Variants in OIT3 observed in about 807,000 individuals in gnomAD.
OIT3 encodes the protein oncoprotein induced transcript 3.
OIT3 carries 41 observed loss-of-function variants against 52.2 expected under a neutral mutation model. That is an observed-to-expected ratio of 0.79 (90% confidence interval 0.61 to 1.02). OIT3 has a LOEUF of 1.02. Among genes scored for constraint, OIT3 ranks in the 50% least tolerant of loss-of-function variants. The pLI is 0.00. For missense variants in OIT3, 634 were observed against 715.5 expected, an observed-to-expected ratio of 0.89 and a Z score of 1.30; for synonymous variants, 244 against 276.9, an observed-to-expected ratio of 0.88 and a Z score of 1.18.
intron 4 of OIT3, among the ~76,000 whole-genome samples, chr10:72,908,617 C>T (rs1846001158): frequency 6.6e-6 from 1 of 151,982 alleles, no homozygotes; most frequent in Non-Finnish European, 1.5e-5. Flanking sequence ...CCAGAGTCCT[C>T]CTTAAATCTT....
Position 72,924,365 on chromosome 10 carries a change from C to A in OIT3, c.1088C>A (p.Thr363Asn). 2 of 1,614,132 alleles carry A rather than the reference C, an allele frequency of 1.2e-6. No individual in the cohort carries two copies. Among genetic ancestry groups the A allele is most frequent in the South Asian group, 2.2e-5 (2 of 91,070 alleles). ...PVTCEFPRLY[T>N]ISEGYVPNLR... ...ACCTGCGAGTTTCCACGCCTGTACA[C>A]CATTTCTGAAGGATACGTTCCCAAC... Residue 363 changes from threonine to asparagine, a missense_variant, in exon 7 of 9, where the codon ACC becomes AAC. Physicochemically the swap from Thr to Asn is moderately conservative, Grantham distance 65. Coordinates refer to ENST00000334011, the MANE Select transcript of OIT3 (RefSeq NM_152635.3).
intron 3 of OIT3, among the ~76,000 whole-genome samples, chr10:72,905,708 C>T (rs7916475): frequency 0.038 from 5,719 of 152,212 alleles, 350 homozygotes; most frequent in African/African-American, 0.13. Flanking sequence ...GCTTCCATTG[C>T]TTGTGAAGGC....
chr10:72,914,616 A>G (rs1310477639), intron 6 of OIT3, among the ~76,000 whole-genome samples: 3 of 152,204 alleles, frequency 2.0e-5, no homozygotes, highest in African/African-American at 7.2e-5. Flanking sequence ...GAGCAGAGGA[A>G]TCTGGTGATA....
chr10:72,918,491 TG>T, intron 6 of OIT3: 2 of 1,363,180 alleles, frequency 1.5e-6, no homozygotes, highest in Non-Finnish European at 2.1e-6. Flanking sequence ...AAGATAGTTC[TG>T]GGGCCTCAGG....
At chr10:72,897,977 A>G (rs1290528336) in intron 1 of OIT3, among the ~76,000 whole-genome samples, 1 of 152,084 alleles carries the variant, frequency 6.6e-6, no homozygotes, top group Non-Finnish European at 1.5e-5. Context: ...AAATTTGTCA[A>G]TTACTTTCAT....
intron 7 of OIT3, among the ~76,000 whole-genome samples, chr10:72,927,520 A>G (rs1447325459): frequency 6.6e-6 from 1 of 152,216 alleles, no homozygotes; most frequent in Admixed American, 6.5e-5. Flanking sequence ...AAGAGAAAAA[A>G]TATATATGCT....
chr10:72,921,895 C>T (rs1050060885), intron 6 of OIT3, among the ~76,000 whole-genome samples: 34 of 152,070 alleles, frequency 2.2e-4, no homozygotes, highest in Non-Finnish European at 3.7e-4. Flanking sequence ...TGGTCTCGAA[C>T]TCCTGACCTC....
intron 5 of OIT3, 69 bp from the exon 6 acceptor site, chr10:72,913,239 T>C (rs1472278338): frequency 2.3e-6 from 3 of 1,322,330 alleles, no homozygotes; most frequent in African/African-American, 1.5e-5. Context: ...AGGGTGAAAT[T>C]ATTTCTCCTA....
At chr10:72,909,233 A>G (rs1378957901) in intron 4 of OIT3, among the ~76,000 whole-genome samples, 1 of 147,816 alleles carries the variant, frequency 6.8e-6, no homozygotes, top group Admixed American at 6.9e-5. Context: ...TGATCCTCCC[A>G]CCTCAGCCTC....
At chr10:72,922,899 G>C (rs1846133685) in intron 6 of OIT3, among the ~76,000 whole-genome samples, 1 of 151,906 alleles carries the variant, frequency 6.6e-6, no homozygotes, top group Non-Finnish European at 1.5e-5. Context: ...TTTTGAGATG[G>C]AGTCTCGCTC....
intron 2 of OIT3, 30 bp from the exon 3 acceptor site, chr10:72,900,347 C>T (rs781625563): frequency 1.5e-5 from 19 of 1,257,130 alleles, no homozygotes; most frequent in Admixed American, 1.4e-4. Flanking sequence ...GTCTCCTGCC[C>T]TCATGAAGAT....
intron 6 of OIT3, chr10:72,918,498 T>C: frequency 7.2e-7 from 1 of 1,387,474 alleles, no homozygotes; most frequent in Non-Finnish European, 1.0e-6. Context: ...TTCTGGGGCC[T>C]CAGGAGGCTC....
rs1374449882 is a variant in OIT3, at chr10:72,930,567, A to G, written c.1397A>G (p.Tyr466Cys). Residue 466 changes from tyrosine to cysteine, a missense_variant, in exon 8 of 9, where the codon TAC becomes TGC. By Grantham distance (194) the Tyr-to-Cys change is radical. Transcript: ENST00000334011. The part of the protein sequence containing the change: ...GCVSDDSVKQ[Y>C]TSRDHLAKHF... ...GTTTCAGATGACTCGGTAAAGCAGT[A>G]CACATCCCGGGATCACCTAGCAAAG... 3 of 1,613,650 alleles carry G rather than the reference A, an allele frequency of 1.9e-6. No homozygotes were observed. The highest frequency in any genetic ancestry group is 1.3e-5 in the African/African-American group (1 of 74,860).
At chr10:72,910,059 C>G (rs1846016434) in intron 4 of OIT3, among the ~76,000 whole-genome samples, 1 of 152,120 alleles carries the variant, frequency 6.6e-6, no homozygotes, top group Non-Finnish European at 1.5e-5. Context: ...TTTGGTATAT[C>G]TTCCTGAGAG....
chr10:72,909,462 A>T (rs1412373559), intron 4 of OIT3, among the ~76,000 whole-genome samples: 1 of 151,544 alleles, frequency 6.6e-6, no homozygotes, highest in Non-Finnish European at 1.5e-5. Flanking sequence ...TCCCATCTTT[A>T]TGTCTGTGTG....
At chr10:72,922,944 C>G (rs898495653) in intron 6 of OIT3, among the ~76,000 whole-genome samples, 1 of 152,144 alleles carries the variant, frequency 6.6e-6, no homozygotes, top group Non-Finnish European at 1.5e-5. Context: ...GGTGCAATCT[C>G]AGCTCACTGC....
chr10:72,919,170 CTT>C (rs1267163684), intron 6 of OIT3, among the ~76,000 whole-genome samples: 1 of 152,094 alleles, frequency 6.6e-6, no homozygotes, highest in Non-Finnish European at 1.5e-5. Context: ...TTTCACTTCT[CTT>C]GTTAGCTGTT....
Position 72,932,779 on chromosome 10 carries a change from C to T in OIT3, c.*255C>T. The T allele has an allele frequency of 2.6e-6, 1 of 388,234 alleles. No homozygotes were observed. The highest frequency in any genetic ancestry group is 4.1e-5 in the East Asian group (1 of 24,628). The allele number at this position is 388,234 out of a possible 1,614,324, so 24.0% of individuals were successfully genotyped here. A position where few individuals can be genotyped will look rare whatever the true frequency, so the allele number is the denominator to read the frequency against. On this transcript the variant is annotated 3_prime_UTR_variant, in exon 9 of 9. Transcript: ENST00000334011. ...AACTGTCCACCCAGAAAGACACTCACCCCATTTCCCTCATTTCTTTCCTAC... is the reference window on the plus strand; with the variant it reads ...AACTGTCCACCCAGAAAGACACTCATCCCATTTCCCTCATTTCTTTCCTAC...
chr10:72,930,295 C>A (rs1396199486), intron 7 of OIT3, among the ~76,000 whole-genome samples: 1 of 152,100 alleles, frequency 6.6e-6, no homozygotes, highest in East Asian at 1.9e-4. Flanking sequence ...AACAGGAAGC[C>A]CTGGTGCCCA....
Sources: allele counts gnomAD v4.1 joint callset (sites outside exome capture counted in the v4.1 genomes callset), GRCh38; gene constraint gnomAD v4.1.1; transcripts MANE v1.5; gene names NCBI Gene and HGNC (gene_info 2026-07-23, HGNC 2026-07-21).